TMEM116: variants seen among roughly 807,000 people sequenced by gnomAD.
TMEM116 encodes transmembrane protein 116.
In TMEM116, 38 loss-of-function variants were observed where a neutral mutation model predicts 44.3. That is an observed-to-expected ratio of 0.86 (90% CI 0.66 to 1.12). TMEM116 has a LOEUF of 1.12. Among genes scored for constraint, TMEM116 ranks in the 50% most tolerant of loss-of-function variants. TMEM116 has a pLI of 0.00. For synonymous variants in TMEM116, 132 were observed against 144.8 expected (o/e 0.91, Z 0.64); for missense variants, 354 against 401.7 (o/e 0.88, Z 1.01).
chr12:111,962,223 T>C (rs2074644624), intron 4 of TMEM116, among the ~76,000 whole-genome samples: 1 of 152,188 alleles, frequency 6.6e-6, no homozygotes, highest in Admixed American at 6.5e-5. Context: ...ATCAATATCA[T>C]GAAAATGGCC....
intron 4 of TMEM116, among the ~76,000 whole-genome samples, chr12:111,971,451 G>A (rs1281827679): frequency 6.6e-6 from 1 of 151,170 alleles, no homozygotes; most frequent in Admixed American, 6.6e-5. Flanking sequence ...AAGTTTAACT[G>A]CAATGTTAAA....
At chr12:112,003,908 A>G in intron 2 of TMEM116, 45 bp from the exon 3 acceptor site, 1 of 1,434,158 alleles carries the variant, frequency 7.0e-7, no homozygotes, top group African/African-American at 1.5e-5. Context: ...AGGACAATGG[A>G]GTGCCATCGT....
chr12:111,987,304 A>C (rs922211488), intron 4 of TMEM116, among the ~76,000 whole-genome samples: 3 of 152,150 alleles, frequency 2.0e-5, no homozygotes, highest in Admixed American at 1.3e-4. Flanking sequence ...CAGGAGTTCA[A>C]GACCAGCCTG....
intron 4 of TMEM116, among the ~76,000 whole-genome samples, chr12:111,957,635 C>A (rs1482872217): frequency 6.6e-6 from 1 of 150,774 alleles, no homozygotes; most frequent in Admixed American, 6.6e-5. Context: ...CCCCTCTGCC[C>A]GGCTGCCCCG....
At chr12:111,978,977 A>G (rs753855032) in intron 4 of TMEM116, among the ~76,000 whole-genome samples, 9 of 152,222 alleles carry the variant, frequency 5.9e-5, no homozygotes, top group Non-Finnish European at 1.2e-4. Flanking sequence ...CCATATGCAA[A>G]AATAAGACCT....
intron 4 of TMEM116, among the ~76,000 whole-genome samples, chr12:111,966,311 A>T (rs979814058): frequency 1.3e-5 from 2 of 152,198 alleles, no homozygotes; most frequent in Non-Finnish European, 2.9e-5. Flanking sequence ...ATCTCAAAAA[A>T]AAACAAAGAA....
chr12:111,940,685 A>G (rs1385898675), intron 5 of TMEM116, among the ~76,000 whole-genome samples: 1 of 151,940 alleles, frequency 6.6e-6, no homozygotes, highest in Non-Finnish European at 1.5e-5. Flanking sequence ...GTAGGATACC[A>G]TATTTGAGAG....
intron 4 of TMEM116, among the ~76,000 whole-genome samples, chr12:111,961,697 A>T (rs1593407461): frequency 6.6e-6 from 1 of 152,208 alleles, no homozygotes; most frequent in South Asian, 2.1e-4. Flanking sequence ...TTTATGACAA[A>T]CCCACAGCCA....
At chr12:111,983,190 C>G (rs2076041797) in intron 4 of TMEM116, among the ~76,000 whole-genome samples, 1 of 152,040 alleles carries the variant, frequency 6.6e-6, no homozygotes. Context: ...GTAATCCCAG[C>G]ACTGAGAGGC....
At chr12:111,966,237 C>A (rs1394916430) in intron 4 of TMEM116, among the ~76,000 whole-genome samples, 2 of 152,048 alleles carry the variant, frequency 1.3e-5, no homozygotes, top group Non-Finnish European at 1.5e-5. Context: ...ACCTAGAAGG[C>A]AGAGGTTGCA....
At chr12:111,979,284 T>C (rs957013097) in intron 4 of TMEM116, among the ~76,000 whole-genome samples, 5 of 152,168 alleles carry the variant, frequency 3.3e-5, no homozygotes, top group South Asian at 4.1e-4. Flanking sequence ...TATATATATA[T>C]ACACAATAGA....
intron 4 of TMEM116, among the ~76,000 whole-genome samples, chr12:111,956,567 G>A (rs1460604901): frequency 2.0e-5 from 3 of 152,144 alleles, no homozygotes; most frequent in Non-Finnish European, 2.9e-5. Context: ...ATGCCGAGCC[G>A]AGGCTGGACT....
chr12:112,004,203 A>C (rs1364755721), intron 2 of TMEM116, among the ~76,000 whole-genome samples: 1 of 151,654 alleles, frequency 6.6e-6, no homozygotes, highest in Non-Finnish European at 1.5e-5. Flanking sequence ...CTAGTCTCAA[A>C]CTCCTGGCCT....
At chr12:111,986,483 G>T (rs1010849233) in intron 4 of TMEM116, among the ~76,000 whole-genome samples, 3 of 151,772 alleles carry the variant, frequency 2.0e-5, no homozygotes, top group Non-Finnish European at 4.4e-5. Context: ...TTACAAGGGT[G>T]CCAAGATCAT....
intron 4 of TMEM116, among the ~76,000 whole-genome samples, chr12:111,971,901 AC>A (rs991256572): frequency 1.3e-5 from 2 of 152,022 alleles, no homozygotes; most frequent in African/African-American, 4.8e-5. Flanking sequence ...ACACAGTGAA[AC>A]CCCATCTCTA....
At chr12:111,945,017 C>G (rs2136284444) in intron 4 of TMEM116, among the ~76,000 whole-genome samples, 1 of 143,610 alleles carries the variant, frequency 7.0e-6, no homozygotes, top group East Asian at 2.0e-4. Context: ...GGAGGTTGCA[C>G]TGAGACAAGA....
intron 4 of TMEM116, among the ~76,000 whole-genome samples, chr12:111,943,638 G>A (rs767186835): frequency 1.3e-5 from 2 of 152,036 alleles, no homozygotes; most frequent in African/African-American, 2.4e-5. Flanking sequence ...AGGTTCAAGC[G>A]ATTCTCCTGC....
At chr12:111,967,513 T>C (rs1364633349) in intron 4 of TMEM116, among the ~76,000 whole-genome samples, 1 of 151,988 alleles carries the variant, frequency 6.6e-6, no homozygotes, top group East Asian at 1.9e-4. Context: ...AATTTAGATA[T>C]ATATTATAAG....
chr12:111,983,085 C>A (rs1319102573), intron 4 of TMEM116, among the ~76,000 whole-genome samples: 1 of 151,666 alleles, frequency 6.6e-6, no homozygotes, highest in African/African-American at 2.4e-5. Context: ...CACTTGAGCA[C>A]AGGAGTTCAA....
Sources: allele counts gnomAD v4.1 joint callset (sites outside exome capture counted in the v4.1 genomes callset), GRCh38; gene constraint gnomAD v4.1.1; transcripts MANE v1.5; gene names NCBI Gene and HGNC (gene_info 2026-07-23, HGNC 2026-07-21).